The following RARB variants were observed in gnomAD, a reference collection of about 807,000 sequenced individuals.
RARB encodes the protein HBV-activated protein.
A neutral mutation model predicts 51.9 loss-of-function variants in RARB; 17 were observed. The observed-to-expected ratio is 0.33, with a 90% CI of 0.22 to 0.49. The LOEUF is 0.49. Ranked by LOEUF, RARB falls within the 20% of genes least tolerant of loss-of-function variation. The pLI, the probability that RARB is intolerant of heterozygous loss-of-function variation, is 0.99. For missense variants in RARB, 369 were observed against 550.8 expected (o/e 0.67, Z 3.30); for synonymous variants, 215 against 195.4 (o/e 1.10, Z -0.84).
chr3:25,360,803 G>A (rs906266042), intron 5 of RARB, among the ~76,000 whole-genome samples: 9 of 152,088 alleles, frequency 5.9e-5, no homozygotes, highest in African/African-American at 2.2e-4. Flanking sequence ...TTGAATATTG[G>A]CCCCTACTCT....
At chr3:25,346,413 A>G (rs1455939050) in intron 5 of RARB, among the ~76,000 whole-genome samples, 5 of 152,238 alleles carry the variant, frequency 3.3e-5, no homozygotes, top group African/African-American at 1.2e-4. Flanking sequence ...CAGTCCAAAC[A>G]AAACTAATTA....
intron 2 of RARB, among the ~76,000 whole-genome samples, chr3:24,914,878 C>T (rs1695072459): frequency 6.6e-6 from 1 of 152,154 alleles, no homozygotes; most frequent in Non-Finnish European, 1.5e-5. Flanking sequence ...CTGTCTTAAC[C>T]ACCTGTGCAC....
At chr3:25,575,112 G>A (rs916952807) in intron 4 of RARB, among the ~76,000 whole-genome samples, 1 of 152,150 alleles carries the variant, frequency 6.6e-6, no homozygotes, top group African/African-American at 2.4e-5. Context: ...GCTGGGCTTG[G>A]GGATAGTTTC....
intron 3 of RARB, among the ~76,000 whole-genome samples, chr3:25,064,057 C>T (rs73034719): frequency 0.15 from 22,909 of 151,884 alleles, 1,841 homozygotes; most frequent in African/African-American, 0.18. Context: ...AGATGGGCAG[C>T]GGTGGGTGGA....
At chr3:24,839,428 C>G (rs982463648) in intron 1 of RARB, among the ~76,000 whole-genome samples, 7 of 151,506 alleles carry the variant, frequency 4.6e-5, no homozygotes, top group African/African-American at 1.7e-4. Flanking sequence ...GGAAGCCAGG[C>G]ATGGTGGCTC....
intron 5 of RARB, among the ~76,000 whole-genome samples, chr3:25,581,325 T>C (rs751289649): frequency 6.6e-6 from 1 of 152,214 alleles, no homozygotes; most frequent in Non-Finnish European, 1.5e-5. Context: ...TTCTGATGCA[T>C]CCCTGGAGGC....
intron 5 of RARB, among the ~76,000 whole-genome samples, chr3:25,290,357 C>A (rs1485050722): frequency 1.3e-5 from 2 of 152,136 alleles, no homozygotes; most frequent in Admixed American, 1.3e-4. Flanking sequence ...AGAACTGACC[C>A]TACCACCCCC....
intron 5 of RARB, among the ~76,000 whole-genome samples, chr3:25,235,555 T>C (rs1208577810): frequency 6.6e-6 from 1 of 152,228 alleles, no homozygotes; most frequent in Non-Finnish European, 1.5e-5. Flanking sequence ...TTTTCCTGTG[T>C]GTCTGTGATA....
chr3:25,383,003 C>T (rs1706675629), intron 5 of RARB, among the ~76,000 whole-genome samples: 1 of 152,140 alleles, frequency 6.6e-6, no homozygotes, highest in Non-Finnish European at 1.5e-5. Flanking sequence ...AGAGTGAGAA[C>T]ATCTAGATTA....
At chr3:25,500,079 A>G (rs1368265) in intron 2 of RARB, among the ~76,000 whole-genome samples, 77,246 of 152,090 alleles carry the variant, frequency 0.51, 20,703 homozygotes, top group African/African-American at 0.68. Flanking sequence ...CTACCCGGTA[A>G]CGCTTTCTGC....
chr3:25,274,841 G>T (rs778830911), intron 5 of RARB, among the ~76,000 whole-genome samples: 3 of 152,046 alleles, frequency 2.0e-5, no homozygotes, highest in Admixed American at 1.3e-4. Context: ...GGTCGGGACT[G>T]GCAGACTGAC....
chr3:25,075,668 C>A (rs1261684516), intron 3 of RARB, among the ~76,000 whole-genome samples: 1 of 83,346 alleles, frequency 1.2e-5, no homozygotes, highest in Non-Finnish European at 2.7e-5. Flanking sequence ...AGAGAATTGT[C>A]CTCAGGAAAA....
intron 5 of RARB, among the ~76,000 whole-genome samples, chr3:25,400,485 G>A (rs979583278): frequency 9.2e-5 from 14 of 151,946 alleles, no homozygotes; most frequent in Admixed American, 5.2e-4. Flanking sequence ...ATGAGGTTTC[G>A]AAGAAAGAAG....
At chr3:25,302,741 G>A (rs182530009) in intron 5 of RARB, among the ~76,000 whole-genome samples, 67 of 152,338 alleles carry the variant, frequency 4.4e-4, no homozygotes, top group Non-Finnish European at 8.7e-4. Flanking sequence ...CTATGAAAGG[G>A]TGAATTTTAT....
chr3:25,566,292 G>A (rs1013596138), intron 3 of RARB, among the ~76,000 whole-genome samples: 1 of 152,204 alleles, frequency 6.6e-6, no homozygotes, highest in African/African-American at 2.4e-5. Flanking sequence ...ATCACCAGAG[G>A]GGTTGTCCCT....
In RARB at chr3:25,326,815, A is replaced by C. The variant is rs138099906; in HGVS notation, c.179-134378A>C. On this transcript the variant is annotated intron_variant, in intron 5 of 11. Coordinates refer to the RARB transcript ENST00000383772. Reference sequence around the variant, plus strand: ...AGAAACACTCACAAAATGTAGGATAAAAAGACACAGGGATTTTTTTTTTTA... The same window carrying C: ...AGAAACACTCACAAAATGTAGGATACAAAGACACAGGGATTTTTTTTTTTA... Among the ~76,000 whole-genome samples the C allele has an allele frequency of 4.2e-3, 570 of 136,328 alleles. 3 individuals are homozygous for C. Among genetic ancestry groups the C allele is most frequent in the African/African-American group, 8.1e-3 (303 of 37,372 alleles). The allele number at this position is 136,328 out of a possible 152,430, so 89.4% of individuals were successfully genotyped here. A position where few individuals can be genotyped will look rare whatever the true frequency, so the allele number is the denominator to read the frequency against.
intron 2 of RARB, among the ~76,000 whole-genome samples, chr3:24,927,076 C>A (rs1382240290): frequency 6.6e-6 from 1 of 152,032 alleles, no homozygotes; most frequent in Non-Finnish European, 1.5e-5. Flanking sequence ...CAGCTTGATC[C>A]AGTAATGTTA....
intron 5 of RARB, among the ~76,000 whole-genome samples, chr3:25,378,128 T>G (rs1399646590): frequency 6.6e-6 from 1 of 152,182 alleles, no homozygotes. Flanking sequence ...CAATGACAAT[T>G]AAAATGAACC....
intron 3 of RARB, among the ~76,000 whole-genome samples, chr3:25,085,471 C>T (rs983081372): frequency 1.3e-5 from 2 of 152,046 alleles, no homozygotes; most frequent in African/African-American, 4.8e-5. Flanking sequence ...TTGTGTTTTA[C>T]CATTCTCTCA....
Sources: gnomAD v4.1 joint callset for allele counts (sites outside exome capture counted in the v4.1 genomes callset) on GRCh38, gnomAD v4.1.1 for gene constraint, MANE v1.5 for transcripts, NCBI Gene and HGNC (gene_info 2026-07-23, HGNC 2026-07-21) for gene names.